Variants in CAMK2D observed in about 807,000 individuals in gnomAD.
The protein encoded by CAMK2D is calcium/calmodulin dependent protein kinase II delta.
Under a neutral mutation model 84.0 loss-of-function variants are expected in CAMK2D, and 37 were observed. That is an observed-to-expected ratio of 0.44 (90% confidence interval 0.34 to 0.58). The LOEUF is 0.58. Ranked by LOEUF, CAMK2D falls within the 20% of genes least tolerant of loss-of-function variation. The probability of loss-of-function intolerance (pLI) is 0.02; values close to 1 mark genes in which losing one functional copy is unlikely to be tolerated. For synonymous variants in CAMK2D, 202 were observed against 212.5 expected, an observed-to-expected ratio of 0.95 and a Z score of 0.43; for missense variants, 448 against 652.5, an observed-to-expected ratio of 0.69 and a Z score of 3.41.
intron 4 of CAMK2D, among the ~76,000 whole-genome samples, chr4:113,586,659 C>G (rs2098835580): frequency 6.6e-6 from 1 of 152,144 alleles, no homozygotes; most frequent in South Asian, 2.1e-4. Flanking sequence ...ACCTTCTGAT[C>G]ATGCTTTGGT....
At chr4:113,721,141 C>T (rs1350908563) in intron 2 of CAMK2D, among the ~76,000 whole-genome samples, 2 of 152,076 alleles carry the variant, frequency 1.3e-5, no homozygotes, top group East Asian at 3.8e-4. Context: ...CTAGGCTCTG[C>T]ACCTAAGGAG....
At chr4:113,626,800 C>A (rs961217985) in intron 3 of CAMK2D, among the ~76,000 whole-genome samples, 2 of 152,064 alleles carry the variant, frequency 1.3e-5, no homozygotes, top group Non-Finnish European at 2.9e-5. Flanking sequence ...CAACATTTCT[C>A]GTAATGATGA....
chr4:113,523,133 G>C (rs1461131052), intron 8 of CAMK2D, among the ~76,000 whole-genome samples: 1 of 152,190 alleles, frequency 6.6e-6, no homozygotes, highest in Admixed American at 6.5e-5. Flanking sequence ...CCTGATCACA[G>C]ACTTCCAGCT....
At chr4:113,592,562 A>G (rs76834387) in intron 4 of CAMK2D, among the ~76,000 whole-genome samples, 6,075 of 152,296 alleles carry the variant, frequency 0.04, 355 homozygotes, top group East Asian at 0.19. Context: ...TAGTTAAACA[A>G]AAGAGGTAGT....
intron 2 of CAMK2D, among the ~76,000 whole-genome samples, chr4:113,704,427 G>GT (rs1316761501): frequency 6.6e-6 from 1 of 151,756 alleles, no homozygotes; most frequent in Non-Finnish European, 1.5e-5. Flanking sequence ...AGCAATTTAA[G>GT]TTTTATTATC....
chr4:113,620,346 C>T (rs1305566147), intron 3 of CAMK2D, among the ~76,000 whole-genome samples: 1 of 151,812 alleles, frequency 6.6e-6, no homozygotes, highest in Admixed American at 6.6e-5. Context: ...GGGCAGTTTG[C>T]AAATATTATG....
intron 8 of CAMK2D, among the ~76,000 whole-genome samples, chr4:113,530,180 A>AT (rs1224855271): frequency 6.6e-6 from 1 of 152,104 alleles, no homozygotes; most frequent in Non-Finnish European, 1.5e-5. Context: ...CAGATTTTGG[A>AT]TTTTTTCAGA....
chr4:113,717,167 G>A (rs1024876920), intron 2 of CAMK2D, among the ~76,000 whole-genome samples: 3 of 152,084 alleles, frequency 2.0e-5, no homozygotes, highest in African/African-American at 7.2e-5. Flanking sequence ...CAAATTAAGA[G>A]GGAAAGGCAG....
chr4:113,696,238 A>C (rs2099402487), intron 2 of CAMK2D, among the ~76,000 whole-genome samples: 1 of 150,480 alleles, frequency 6.6e-6, no homozygotes, highest in Non-Finnish European at 1.5e-5. Flanking sequence ...ACACATACAC[A>C]TATACTCCTT....
intron 4 of CAMK2D, among the ~76,000 whole-genome samples, chr4:113,606,220 CAGCACTT>C (rs2154264349): frequency 6.6e-6 from 1 of 152,224 alleles, no homozygotes; most frequent in East Asian, 1.9e-4. Flanking sequence ...CCTGTAATCC[CAGCACTT>C]AGGGAGGCAG....
intron 16 of CAMK2D, among the ~76,000 whole-genome samples, chr4:113,488,127 A>G (rs1371898218): frequency 1.3e-5 from 2 of 152,150 alleles, no homozygotes; most frequent in Non-Finnish European, 2.9e-5. Flanking sequence ...AATATTTTAA[A>G]ATTTACACAA....
At chr4:113,456,091 T>TGTTTG (rs2097300134) in intron 19 of CAMK2D, among the ~76,000 whole-genome samples, 1 of 152,210 alleles carries the variant, frequency 6.6e-6, no homozygotes. Context: ...TTCAGCCTAT[T>TGTTTG]GTTTGGTTTG....
At chr4:113,699,416 A>G (rs1395227590) in intron 2 of CAMK2D, among the ~76,000 whole-genome samples, 1 of 152,148 alleles carries the variant, frequency 6.6e-6, no homozygotes, top group Non-Finnish European at 1.5e-5. Flanking sequence ...TGGATACTGA[A>G]GCATATAATC....
At chr4:113,617,195 C>A (rs571678991) in intron 3 of CAMK2D, among the ~76,000 whole-genome samples, 1 of 152,038 alleles carries the variant, frequency 6.6e-6, no homozygotes, top group African/African-American at 2.4e-5. Flanking sequence ...GGGCTGGGTG[C>A]GGTGACTTAC....
intron 3 of CAMK2D, among the ~76,000 whole-genome samples, chr4:113,634,237 G>A (rs897120233): frequency 1.3e-5 from 2 of 152,176 alleles, no homozygotes; most frequent in Non-Finnish European, 2.9e-5. Context: ...ACGTTGTAGG[G>A]AATAGACAGT....
At chr4:113,601,262 T>C (rs1423267952) in intron 4 of CAMK2D, among the ~76,000 whole-genome samples, 2 of 152,178 alleles carry the variant, frequency 1.3e-5, no homozygotes, top group Non-Finnish European at 2.9e-5. Context: ...TATTTTGCCT[T>C]CCACTCAGAA....
chr4:113,501,812 G>A lies in CAMK2D; in HGVS notation c.1086+1124C>T, dbSNP rs546379499. The stretch of plus-strand genomic sequence containing the variant: ...GTCCATTCCAGCTGTTATGCTTGGC[G>A]TTTCATTGGCTAATGCTATTAAAAA... On this transcript the variant is annotated intron_variant, in intron 15 of 20. Coordinates refer to ENST00000511664, the MANE Select transcript of CAMK2D (RefSeq NM_001321571.2). Among the ~76,000 whole-genome samples the A allele has an allele frequency of 3.9e-5, 6 of 152,096 alleles. No homozygotes were observed. The East Asian group carries it at 7.7e-4, about 20-fold the overall frequency.
intron 3 of CAMK2D, among the ~76,000 whole-genome samples, chr4:113,613,823 AACTTTC>A (rs765941298): frequency 3.3e-5 from 5 of 152,098 alleles, no homozygotes; most frequent in African/African-American, 4.8e-5. Context: ...TCCAAAAATT[AACTTTC>A]ACATCATGGA....
intron 3 of CAMK2D, among the ~76,000 whole-genome samples, chr4:113,658,825 CTT>C (rs1267857662): frequency 6.6e-6 from 1 of 152,154 alleles, no homozygotes; most frequent in Non-Finnish European, 1.5e-5. Context: ...CGAAATCTCT[CTT>C]GTGGTTAGAA....
Sources: gnomAD v4.1 joint callset for allele counts (sites outside exome capture counted in the v4.1 genomes callset) on GRCh38, gnomAD v4.1.1 for gene constraint, MANE v1.5 for transcripts, NCBI Gene and HGNC (gene_info 2026-07-23, HGNC 2026-07-21) for gene names.